EPM2A: variants seen among roughly 807,000 people sequenced by gnomAD.
The protein encoded by EPM2A is laforin.
A neutral mutation model predicts 26.5 loss-of-function variants in EPM2A; 21 were observed. The ratio of observed to expected loss-of-function variants is 0.79; its 90% CI spans 0.56 to 1.14. EPM2A has a LOEUF of 1.14. Among genes scored for constraint, EPM2A ranks in the 50% most tolerant of loss-of-function variants. EPM2A has a pLI of 0.00. For synonymous variants in EPM2A, 217 were observed against 177.6 expected (o/e 1.22, Z -1.76); for missense variants, 458 against 440.8 (o/e 1.04, Z -0.35).
chr6:145,581,671 T>C (rs1000750300), intron 2 of EPM2A, among the ~76,000 whole-genome samples: 6 of 152,182 alleles, frequency 3.9e-5, no homozygotes, highest in Non-Finnish European at 8.8e-5. Context: ...TGAGTTTTTA[T>C]GATGTAAGAA....
intron 2 of EPM2A, among the ~76,000 whole-genome samples, chr6:145,540,168 A>G (rs1780487443): frequency 6.6e-6 from 1 of 152,200 alleles, no homozygotes; most frequent in African/African-American, 2.4e-5. Flanking sequence ...ACAGTGAGCA[A>G]CAAACTATCT....
chr6:145,559,712 G>A (rs768523118), intron 2 of EPM2A, among the ~76,000 whole-genome samples: 10 of 135,594 alleles, frequency 7.4e-5, no homozygotes, highest in Non-Finnish European at 1.2e-4. Flanking sequence ...CTATTAACAC[G>A]TAAACACCAA....
chr6:145,606,138 C>A (rs1403664786), intron 2 of EPM2A, among the ~76,000 whole-genome samples: 2 of 151,918 alleles, frequency 1.3e-5, no homozygotes, highest in African/African-American at 4.8e-5. Flanking sequence ...TAAACAAAAC[C>A]AGAAAAGTTT....
chr6:145,463,852 CTT>C (rs1779355133), intron 4 of EPM2A, among the ~76,000 whole-genome samples: 1 of 152,202 alleles, frequency 6.6e-6, no homozygotes, highest in African/African-American at 2.4e-5. Flanking sequence ...GCTGAATCAA[CTT>C]AATATGGTTT....
At chr6:145,611,673 T>TG (rs1335150680) in intron 2 of EPM2A, among the ~76,000 whole-genome samples, 1 of 152,120 alleles carries the variant, frequency 6.6e-6, no homozygotes, top group Non-Finnish European at 1.5e-5. Flanking sequence ...TTTAGACAAA[T>TG]GTAACAGGTC....
rs181568916 is a variant in EPM2A at position 145,487,038 on chromosome 6, A to G, written c.555+15484T>C. On this transcript the variant is annotated intron_variant, in intron 4 of 4. Transcript: ENST00000638717. ...GCCCCAGTGTGTGTTGTTCCCCTCT[A>G]TGTGTCCATGTGTTCTCATCATTTA... 2.0e-3 allele frequency among the ~76,000 whole-genome samples: 296 copies of G among 151,788 alleles called. 4 individuals carry two copies. Among genetic ancestry groups the G allele is most frequent in the Admixed American group, 4.9e-3 (75 of 15,220 alleles).
rs145025513 is a variant in EPM2A at position 145,708,590 on chromosome 6, T to C, written c.302-22294A>G. Among the ~76,000 whole-genome samples, 387 of 152,316 alleles carry C rather than the reference T, an allele frequency of 2.5e-3. 4 individuals are homozygous for C. Among genetic ancestry groups the C allele is most frequent in the African/African-American group, 8.6e-3 (356 of 41,570 alleles). On this transcript the variant is annotated intron_variant, in intron 1 of 3. Coordinates refer to ENST00000367519, the MANE Select transcript of EPM2A (RefSeq NM_005670.4). The stretch of plus-strand genomic sequence containing the variant: ...CCTGTGGATGCATGGAAGTCAAGAA[T>C]TGAGGTTTGGGAACCTCCACCTAGA...
chr6:145,438,459 G>A (rs973977729), intron 4 of EPM2A, among the ~76,000 whole-genome samples: 1 of 137,800 alleles, frequency 7.3e-6, no homozygotes, highest in Non-Finnish European at 1.5e-5. Flanking sequence ...ATTCTCCTGA[G>A]AAGGGAATAA....
Position 145,572,941 on chromosome 6 carries a change from CT to C in EPM2A, c.340+62303del, listed in dbSNP as rs111292338. Among the ~76,000 whole-genome samples, 781 of 152,338 alleles carry C rather than the reference CT, an allele frequency of 5.1e-3. 8 individuals are homozygous for C. Among genetic ancestry groups the C allele is most frequent in the African/African-American group, 0.018 (744 of 41,582 alleles). ...AGTAGGCACGCTAGGCGTTATGCCT[CT>C]TTCTGAGTTGTAGGAGGGGCCAAAT... On this transcript the variant is annotated intron_variant, in intron 2 of 3. Transcript: ENST00000450221.
Position 145,635,369 on chromosome 6 carries a change from A to G in EPM2A, c.594T>C (p.Ile198=). ...AVMNFQTEWD[I]VQNSSGCNRY... is the part of the protein sequence containing the mutation. ...GGTTACAGCCTGAGGAATTCTGTACAATATCCCATTCAGTCTGGAAATTCA... is the reference window on the plus strand; with the variant it reads ...GGTTACAGCCTGAGGAATTCTGTACGATATCCCATTCAGTCTGGAAATTCA... Residue 198 remains isoleucine, a synonymous_variant, in exon 3 of 4, where the codon ATT becomes ATC. Coordinates refer to ENST00000367519, the MANE Select transcript of EPM2A (RefSeq NM_005670.4). The G allele has an allele frequency of 6.2e-7, 1 of 1,614,174 alleles. No homozygotes were observed. The highest frequency in any genetic ancestry group is 8.5e-7 in the Non-Finnish European group (1 of 1,180,028).
chr6:145,435,311 A>G (rs1226853950), intron 4 of EPM2A, among the ~76,000 whole-genome samples: 1 of 151,874 alleles, frequency 6.6e-6, no homozygotes, highest in Non-Finnish European at 1.5e-5. Flanking sequence ...ATGAGAAGAT[A>G]AATACCAGAA....
chr6:145,440,903 T>C (rs1404586283), intron 4 of EPM2A, among the ~76,000 whole-genome samples: 2 of 152,212 alleles, frequency 1.3e-5, no homozygotes, highest in Non-Finnish European at 2.9e-5. Flanking sequence ...TCCAGGTGCA[T>C]GGTGCAAGCT....
intron 2 of EPM2A, among the ~76,000 whole-genome samples, chr6:145,567,533 C>G (rs1780900155): frequency 1.3e-5 from 2 of 152,248 alleles, no homozygotes; most frequent in African/African-American, 4.8e-5. Context: ...CTTATTGACA[C>G]AGTCCACAAG....
intron 2 of EPM2A, among the ~76,000 whole-genome samples, chr6:145,538,081 A>C (rs529591405): frequency 6.6e-6 from 1 of 152,160 alleles, no homozygotes; most frequent in Admixed American, 6.5e-5. Context: ...ATGTGTCTTT[A>C]TAGAAGAATG....
intron 1 of EPM2A, among the ~76,000 whole-genome samples, chr6:145,731,221 C>T (rs1027890803): frequency 6.6e-6 from 1 of 152,182 alleles, no homozygotes; most frequent in Non-Finnish European, 1.5e-5. Context: ...TTATCCTTAA[C>T]AAAATCTGCC....
chr6:145,470,083 A>C (rs1388697721), intron 4 of EPM2A, among the ~76,000 whole-genome samples: 1 of 152,048 alleles, frequency 6.6e-6, no homozygotes, highest in Non-Finnish European at 1.5e-5. Flanking sequence ...AATATAGCTA[A>C]ATAGAATGAA....
At chr6:145,518,839 A>G (rs1006442840) in intron 2 of EPM2A, among the ~76,000 whole-genome samples, 6 of 152,152 alleles carry the variant, frequency 3.9e-5, no homozygotes, top group African/African-American at 1.4e-4. Context: ...GACATAGCCT[A>G]GAGGATGGCC....
chr6:145,488,528 A>T (rs62439575), intron 4 of EPM2A, among the ~76,000 whole-genome samples: 13,015 of 111,046 alleles, frequency 0.12, 696 homozygotes, highest in South Asian at 0.21. Context: ...TGTGTGAGAG[A>T]GAGAGAGAGA....
chr6:145,620,478 G>A (rs1775609585), downstream of EPM2A, among the ~76,000 whole-genome samples: 1 of 152,142 alleles, frequency 6.6e-6, no homozygotes, highest in Admixed American at 6.5e-5. Context: ...ACTGGTTTAG[G>A]CCTTATTTCC....
Sources: gnomAD v4.1 joint callset for allele counts (sites outside exome capture counted in the v4.1 genomes callset) on GRCh38, gnomAD v4.1.1 for gene constraint, MANE v1.5 for transcripts, NCBI Gene and HGNC (gene_info 2026-07-23, HGNC 2026-07-21) for gene names.